INPP5D: variants seen among roughly 807,000 people sequenced by gnomAD.
The protein encoded by INPP5D is inositol polyphosphate-5-phosphatase D.
Under a neutral mutation model 122.9 loss-of-function variants are expected in INPP5D, and 33 were observed. The observed-to-expected ratio is 0.27, with a 90% CI of 0.20 to 0.36. The LOEUF (loss-of-function observed/expected upper bound fraction) is 0.36. Among genes scored for constraint, INPP5D ranks in the 10% least tolerant of loss-of-function variants. The pLI, the probability that INPP5D is intolerant of heterozygous loss-of-function variation, is 1.00. For missense variants in INPP5D, 1,053 were observed against 1,412.7 expected, an observed-to-expected ratio of 0.75 and a Z score of 4.08; for synonymous variants, 584 against 576.2, an observed-to-expected ratio of 1.01 and a Z score of -0.19.
intron 13 of INPP5D, among the ~76,000 whole-genome samples, chr2:233,165,121 GT>G (rs1349319011): frequency 6.6e-6 from 1 of 152,162 alleles, no homozygotes; most frequent in Non-Finnish European, 1.5e-5. Flanking sequence ...GTGTATGTGA[GT>G]TTGTGTGAGT....
chr2:233,099,139 C>T (rs895778030), intron 2 of INPP5D, among the ~76,000 whole-genome samples: 1 of 151,930 alleles, frequency 6.6e-6, no homozygotes, highest in Non-Finnish European at 1.5e-5. Context: ...ATAGTAGAGG[C>T]GAGGTTTTGC....
intron 1 of INPP5D, among the ~76,000 whole-genome samples, chr2:233,072,848 C>T (rs1043695626): frequency 3.9e-5 from 6 of 152,168 alleles, no homozygotes; most frequent in African/African-American, 1.4e-4. Flanking sequence ...AGGGTCCTGG[C>T]AGGAAATAGA....
rs1238706458 is a variant in INPP5D, at chr2:233,195,460, C to A, written c.2658C>A (p.Ser886Arg). The change falls in exon 24 of 27, where the codon AGC becomes AGA. Residue 886 changes from serine to arginine, a missense_variant. Around this residue, in one of 6 missense-constraint regions of INPP5D, gnomAD observed 417 missense variants for 425.8 expected, o/e 0.98. Transcript: ENST00000445964. ...CAAAGACCCTGAAGAGCCTCACCAG[C>A]CACGACCCCATGAAGCAGTGGGAAG... ...SGPKTLKSLT[S>R]HDPMKQWEVT... 6 of 1,613,748 alleles carry A rather than the reference C, an allele frequency of 3.7e-6. No homozygotes were observed. The African/African-American group carries it at 8.0e-5, about 22-fold the overall frequency.
intron 17 of INPP5D, among the ~76,000 whole-genome samples, chr2:233,173,921 G>A (rs1367439342): frequency 2.6e-5 from 4 of 151,446 alleles, no homozygotes; most frequent in Non-Finnish European, 4.4e-5. Flanking sequence ...GCAAGGCTCC[G>A]TCTCAAAAAA....
At chr2:233,149,520 C>T (rs1196848678) in intron 9 of INPP5D, among the ~76,000 whole-genome samples, 1 of 152,240 alleles carries the variant, frequency 6.6e-6, no homozygotes, top group East Asian at 1.9e-4. Flanking sequence ...ATGCTCTGTC[C>T]CCCAGGTATA....
intron 25 of INPP5D, among the ~76,000 whole-genome samples, chr2:233,200,883 C>A (rs1396336542): frequency 6.6e-6 from 1 of 151,986 alleles, no homozygotes; most frequent in East Asian, 1.9e-4. Flanking sequence ...ATCGCTTGAA[C>A]CCGGGAGGCG....
In INPP5D at chr2:233,194,123, A is replaced by C. The variant is rs536338113; in HGVS notation, c.2596+162A>C. ...AGACAATCTGGCCCAACCCTCACTCAACTCAAAAATGTCCCAACAGAACCC... is the reference window on the plus strand; with the variant it reads ...AGACAATCTGGCCCAACCCTCACTCCACTCAAAAATGTCCCAACAGAACCC... On this transcript the variant is annotated intron_variant, in intron 23 of 26. Transcript: ENST00000445964. Among the ~76,000 whole-genome samples, 5 of 152,214 alleles carry C rather than the reference A, an allele frequency of 3.3e-5. No homozygotes were observed. The South Asian group carries it at 1.0e-3, about 32-fold the overall frequency.
chr2:233,114,041 G>T (rs1389578755), intron 2 of INPP5D, among the ~76,000 whole-genome samples: 1 of 151,884 alleles, frequency 6.6e-6, no homozygotes, highest in Non-Finnish European at 1.5e-5. Flanking sequence ...CTCCCAAGTA[G>T]CTGGGACTAC....
intron 11 of INPP5D, among the ~76,000 whole-genome samples, chr2:233,162,303 A>AT (rs373232324): frequency 3.3e-5 from 5 of 151,852 alleles, no homozygotes; most frequent in Admixed American, 1.3e-4. Flanking sequence ...CATAGAAACA[A>AT]TTTTTTTTAG....
intron 2 of INPP5D, among the ~76,000 whole-genome samples, chr2:233,108,300 A>T (rs1343612699): frequency 6.6e-6 from 1 of 151,774 alleles, no homozygotes; most frequent in Non-Finnish European, 1.5e-5. Flanking sequence ...CCCCTTTCTC[A>T]TCTCTCTCAT....
In INPP5D at chr2:233,170,329, C is replaced by A; in HGVS notation, c.1791+165C>A. ...TTCCATTACTGAGCCTCAGCCGCTCCTCACGGTTCCCCTGTGCTCACACCC... is the reference window on the plus strand; with the variant it reads ...TTCCATTACTGAGCCTCAGCCGCTCATCACGGTTCCCCTGTGCTCACACCC... On this transcript the variant is annotated intron_variant, in intron 15 of 26. Coordinates refer to ENST00000445964, the MANE Select transcript of INPP5D (RefSeq NM_001017915.3). This position sits in a 1 kb window ranked among gnomAD's most constrained non-coding sequence, Gnocchi z 4.5. 1 of 1,480,652 alleles carries A rather than the reference C, an allele frequency of 6.8e-7. No homozygotes were observed. The allele number at this position is 1,480,652 out of a possible 1,614,324, so 91.7% of individuals were successfully genotyped here.
chr2:233,174,467 G>C (rs531094666), intron 17 of INPP5D, among the ~76,000 whole-genome samples: 1 of 152,350 alleles, frequency 6.6e-6, no homozygotes, highest in African/African-American at 2.4e-5. Context: ...AATTCTCAGA[G>C]GCAGCTGATG....
At chr2:233,175,412 T>C (rs1279197022) in intron 17 of INPP5D, among the ~76,000 whole-genome samples, 3 of 152,082 alleles carry the variant, frequency 2.0e-5, no homozygotes, top group Non-Finnish European at 4.4e-5. Flanking sequence ...TCCATTTATA[T>C]ACGTTCATAT....
chr2:233,171,677 T>A (rs1694496986), intron 17 of INPP5D, among the ~76,000 whole-genome samples: 1 of 152,236 alleles, frequency 6.6e-6, no homozygotes, highest in Non-Finnish European at 1.5e-5. Flanking sequence ...TATGTATTCA[T>A]TTGTTCAAAG....
At position 233,063,380 on chromosome 2, in the gene INPP5D, ACAACG is replaced by A. The variant is rs560125172; in HGVS notation, c.134+2769_134+2773del. On this transcript the variant is annotated intron_variant, in intron 1 of 26. Transcript: ENST00000445964. ...CAGGCCCCCTCTGGTGGGCAAGGGG[ACAACG>A]GCCGGAGTCTCCACCTGATGGTTTG... 3.3e-5 allele frequency among the ~76,000 whole-genome samples: 5 copies of A among 152,312 alleles called. No individual in the cohort carries two copies. In the South Asian group the frequency reaches 1.0e-3, roughly 32 times the overall value.
At chr2:233,161,603 C>T (rs1332734162) in intron 10 of INPP5D, 121 bp from the exon 11 acceptor site, 2 of 1,362,608 alleles carry the variant, frequency 1.5e-6, no homozygotes, top group Non-Finnish European at 1.9e-6. Context: ...GGTTGCTGTC[C>T]TGGAAGTTCA....
At chr2:233,109,870 G>A (rs1023944126) in intron 2 of INPP5D, among the ~76,000 whole-genome samples, 1 of 151,136 alleles carries the variant, frequency 6.6e-6, no homozygotes, top group Non-Finnish European at 1.5e-5. Flanking sequence ...ACAGGCAGAA[G>A]CCACAGCGCC....
chr2:233,195,514 G>T lies in INPP5D; in HGVS notation c.2693+19G>T. The T allele has an allele frequency of 1.2e-6, 2 of 1,612,982 alleles. No individual in the cohort carries two copies. Among genetic ancestry groups the T allele is most frequent in the Non-Finnish European group, 1.7e-6 (2 of 1,179,656 alleles). ...CTAGCAGGTAAAGTGGGCGTGGGGT[G>T]GGTGTTGGGGGGGGTGGATATCAGG... On this transcript the variant is annotated intron_variant, in intron 24 of 26. Transcript: ENST00000445964.
chr2:233,184,417 C>A lies in INPP5D; in HGVS notation c.2171C>A (p.Thr724Asn). The A allele has an allele frequency of 6.2e-7, 1 of 1,613,990 alleles. No homozygotes were observed. The highest frequency in any genetic ancestry group is 2.2e-5 in the East Asian group (1 of 44,880). Residue 724 changes from threonine (T) to asparagine (N), a missense_variant, in exon 20 of 27, where the codon ACT becomes AAT. This residue lies in a region of INPP5D where 258 missense variants were observed against 439.1 expected (regional missense o/e 0.59). Coordinates refer to ENST00000445964, the MANE Select transcript of INPP5D (RefSeq NM_001017915.3). ...SQFVSKNGPG[T>N]VDSQGQIEFL... Reference sequence around the variant, plus strand: ...TTCTCCCCTGTTCCAGGTCCCGGGACTGTTGACAGCCAAGGACAGATTGAG... The same window carrying A: ...TTCTCCCCTGTTCCAGGTCCCGGGAATGTTGACAGCCAAGGACAGATTGAG...
Sources: gnomAD v4.1 joint callset for allele counts (sites outside exome capture counted in the v4.1 genomes callset) on GRCh38, gnomAD v4.1.1 for gene constraint, gnomAD v4.1.1 regional missense constraint, Gnocchi (gnomAD v3.1) non-coding constraint, MANE v1.5 for transcripts, NCBI Gene and HGNC (gene_info 2026-07-23, HGNC 2026-07-21) for gene names.